Variants in NELL1 observed in about 807,000 individuals in gnomAD.
NELL1 encodes protein kinase C-binding protein NELL1.
NELL1 carries 76 observed loss-of-function variants against 107.4 expected under a neutral mutation model. That is an observed-to-expected ratio of 0.71 (90% CI 0.59 to 0.86). The LOEUF (loss-of-function observed/expected upper bound fraction) is 0.86. NELL1 is among the 40% of genes least tolerant of loss of function. The pLI is 0.00. For missense variants in NELL1, 1,024 were observed against 1,005.5 expected, an observed-to-expected ratio of 1.02 and a Z score of -0.25; for synonymous variants, 353 against 341.2, an observed-to-expected ratio of 1.03 and a Z score of -0.38.
intron 2 of NELL1, among the ~76,000 whole-genome samples, chr11:20,759,057 G>A (rs900693521): frequency 3.2e-4 from 48 of 152,288 alleles, no homozygotes; most frequent in African/African-American, 1.1e-3. Context: ...TGAGGAACTT[G>A]AGGCTCAGAA....
chr11:20,929,468 C>T (rs1340246054), intron 9 of NELL1, among the ~76,000 whole-genome samples: 4 of 151,492 alleles, frequency 2.6e-5, no homozygotes, highest in East Asian at 3.9e-4. Context: ...GCACACTGCA[C>T]CCATTGCTCT....
At chr11:21,201,514 A>G (rs1857269371) in intron 13 of NELL1, among the ~76,000 whole-genome samples, 1 of 152,208 alleles carries the variant, frequency 6.6e-6, no homozygotes. Flanking sequence ...TATCAGCTTA[A>G]GGAGGTTTTG....
intron 2 of NELL1, among the ~76,000 whole-genome samples, chr11:20,687,651 G>T (rs148527647): frequency 7.2e-5 from 11 of 151,878 alleles, no homozygotes; most frequent in African/African-American, 2.7e-4. Flanking sequence ...TAGTGCAGTG[G>T]CACAGTCTCT....
At chr11:20,847,452 G>A in intron 3 of NELL1, 131 bp from the exon 4 acceptor site, 2 of 881,954 alleles carry the variant, frequency 2.3e-6, no homozygotes, top group South Asian at 1.8e-5. Flanking sequence ...TTGACTTGAG[G>A]TCTTGGCTCT....
intron 14 of NELL1, among the ~76,000 whole-genome samples, chr11:21,264,859 C>T (rs1371748783): frequency 1.3e-5 from 2 of 151,460 alleles, no homozygotes; most frequent in Non-Finnish European, 2.9e-5. Flanking sequence ...GATTCTCTTG[C>T]TTTATCCTAT....
At chr11:21,135,799 A>G (rs927993817) in intron 13 of NELL1, among the ~76,000 whole-genome samples, 17 of 152,172 alleles carry the variant, frequency 1.1e-4, no homozygotes, top group Admixed American at 1.1e-3. Flanking sequence ...ATGTAACTTT[A>G]TGTATTTTCA....
At chr11:20,717,104 C>T (rs553898229) in intron 2 of NELL1, among the ~76,000 whole-genome samples, 1 of 152,130 alleles carries the variant, frequency 6.6e-6, no homozygotes, top group Non-Finnish European at 1.5e-5. Context: ...TGCATACCTC[C>T]TTGTTCATGG....
intron 2 of NELL1, among the ~76,000 whole-genome samples, chr11:20,726,853 T>A (rs1027277177): frequency 6.6e-6 from 1 of 152,116 alleles, no homozygotes; most frequent in African/African-American, 2.4e-5. Context: ...AGTGTTTGGT[T>A]TTCTGTCCTT....
At chr11:21,249,831 C>T (rs1858592276) in intron 14 of NELL1, among the ~76,000 whole-genome samples, 1 of 152,134 alleles carries the variant, frequency 6.6e-6, no homozygotes, top group Non-Finnish European at 1.5e-5. Context: ...AGGTAACTGT[C>T]AGTTAAGTAA....
chr11:21,148,154 T>C (rs1466321039), intron 13 of NELL1, among the ~76,000 whole-genome samples: 1 of 152,158 alleles, frequency 6.6e-6, no homozygotes, highest in Non-Finnish European at 1.5e-5. Context: ...GAAATACTGT[T>C]GTAAAGGGAT....
chr11:21,242,329 G>A (rs1398630595), intron 14 of NELL1, among the ~76,000 whole-genome samples: 1 of 152,048 alleles, frequency 6.6e-6, no homozygotes, highest in Non-Finnish European at 1.5e-5. Context: ...CACTCCGTCA[G>A]AAGATGGGAA....
At chr11:20,769,549 G>C (rs896852760) in intron 2 of NELL1, 2 of 152,236 alleles carry the variant, frequency 1.3e-5, no homozygotes, top group Non-Finnish European at 2.9e-5. Context: ...ACAGTACAGA[G>C]CCTGGCACAG....
chr11:21,543,441 A>G (rs1022824771), intron 16 of NELL1, among the ~76,000 whole-genome samples: 1 of 152,044 alleles, frequency 6.6e-6, no homozygotes, highest in African/African-American at 2.4e-5. Context: ...AGATGGACAG[A>G]GAGACCAAGA....
chr11:21,407,532 A>C (rs1852265046), intron 15 of NELL1, among the ~76,000 whole-genome samples: 2 of 151,872 alleles, frequency 1.3e-5, no homozygotes, highest in Non-Finnish European at 2.9e-5. Context: ...AACTCCTTCA[A>C]ATTTAGTATA....
intron 14 of NELL1, among the ~76,000 whole-genome samples, chr11:21,333,093 T>C (rs1342919187): frequency 6.6e-6 from 1 of 152,054 alleles, no homozygotes; most frequent in Non-Finnish European, 1.5e-5. Context: ...AAGGTCATTC[T>C]TGGGTGATAT....
chr11:20,758,475 T>C (rs1856346916), intron 2 of NELL1, among the ~76,000 whole-genome samples: 1 of 152,188 alleles, frequency 6.6e-6, no homozygotes, highest in Non-Finnish European at 1.5e-5. Context: ...TATGCTAAGC[T>C]AAGGAGAGGC....
intron 13 of NELL1, among the ~76,000 whole-genome samples, chr11:21,180,907 T>G (rs1856812952): frequency 6.6e-6 from 1 of 151,842 alleles, no homozygotes; most frequent in Non-Finnish European, 1.5e-5. Context: ...AAACTACGTT[T>G]TTCTAGGTGA....
At chr11:21,098,762 C>T (rs893220011) in intron 12 of NELL1, among the ~76,000 whole-genome samples, 1 of 152,046 alleles carries the variant, frequency 6.6e-6, no homozygotes, top group African/African-American at 2.4e-5. Context: ...CTTTTTAGAT[C>T]AGCATTTGAT....
intron 14 of NELL1, among the ~76,000 whole-genome samples, chr11:21,274,050 C>A (rs897170764): frequency 1.3e-5 from 2 of 152,096 alleles, no homozygotes; most frequent in African/African-American, 4.8e-5. Flanking sequence ...TCACACATAA[C>A]GATATTAACC....
Sources: gnomAD v4.1 joint callset for allele counts (sites outside exome capture counted in the v4.1 genomes callset) on GRCh38, gnomAD v4.1.1 for gene constraint, MANE v1.5 for transcripts, NCBI Gene and HGNC (gene_info 2026-07-23, HGNC 2026-07-21) for gene names.